NDUFAF6: variants seen among roughly 807,000 people sequenced by gnomAD.
NDUFAF6 encodes the protein NADH dehydrogenase (ubiquinone) complex I, assembly factor 6.
A neutral mutation model predicts 40.8 loss-of-function variants in NDUFAF6; 45 were observed. The observed-to-expected ratio is 1.10, with a 90% CI of 0.87 to 1.42. The LOEUF (loss-of-function observed/expected upper bound fraction) is 1.42, where lower values mean the gene tolerates loss of function less well. Ranked by LOEUF, NDUFAF6 falls within the 40% of genes most tolerant of loss-of-function variation. The probability of loss-of-function intolerance (pLI) is 0.00; values close to 1 mark genes in which losing one functional copy is unlikely to be tolerated. For missense variants in NDUFAF6, 435 were observed against 418.5 expected (o/e 1.04, Z -0.34); for synonymous variants, 185 against 155.9 (o/e 1.19, Z -1.39).
chr8:95,108,042 CAACGACAAA>C (rs1276372487), downstream of NDUFAF6, among the ~76,000 whole-genome samples: 2 of 152,154 alleles, frequency 1.3e-5, no homozygotes, highest in Admixed American at 1.3e-4. Context: ...AGAAAAACAA[CAACGACAAA>C]AAACCAGTAC....
In NDUFAF6 at chr8:95,043,924, C is replaced by G. The variant is rs569816140; in HGVS notation, c.478-1621C>G. 2.6e-5 allele frequency among the ~76,000 whole-genome samples: 4 copies of G among 152,138 alleles called. No individual in the cohort carries two copies. In the East Asian group the frequency reaches 7.7e-4, roughly 29 times the overall value. ...AAGATAAATGAAAACATATGTCCAC[C>G]CAGAACTTGTATATGAATGTTTGTA... On this transcript the variant is annotated intron_variant, in intron 4 of 8. Transcript: ENST00000396124.
intron 1 of NDUFAF6, among the ~76,000 whole-genome samples, chr8:94,964,862 A>G (rs556877333): frequency 6.6e-6 from 1 of 152,314 alleles, no homozygotes; most frequent in African/African-American, 2.4e-5. Flanking sequence ...TCCCTGATGG[A>G]CCATGGGAAT....
chr8:94,975,176 G>C lies in NDUFAF6; in HGVS notation c.-198-5683G>C, dbSNP rs978097691. 5 of 152,370 alleles carry C rather than the reference G, an allele frequency of 3.3e-5. No individual in the cohort carries two copies. The East Asian group carries it at 9.6e-4, about 29-fold the overall frequency. The allele number at this position is 152,370 out of a possible 1,614,324, so 9.4% of individuals were successfully genotyped here. On this transcript the variant is annotated intron_variant, in intron 1 of 9. Coordinates refer to the NDUFAF6 transcript ENST00000396111. Reference sequence around the variant, plus strand: ...CACCCCCTGTAACTGTTAGGGCCAGGTAGAGACAGAGGGCAGGTGTGGGTG... The same window carrying C: ...CACCCCCTGTAACTGTTAGGGCCAGCTAGAGACAGAGGGCAGGTGTGGGTG...
intron 8 of NDUFAF6, among the ~76,000 whole-genome samples, chr8:95,053,620 TCTTTTTCTTTC>T (rs1831700809): frequency 6.6e-6 from 1 of 151,524 alleles, no homozygotes; most frequent in African/African-American, 2.4e-5. Flanking sequence ...TACTTTTCTT[TCTTTTTCTTTC>T]TTTTTTTTTT....
At chr8:94,988,862 G>A (rs1826062554) in intron 2 of NDUFAF6, 1 of 152,226 alleles carries the variant, frequency 6.6e-6, no homozygotes, top group African/African-American at 2.4e-5. Flanking sequence ...GAGAAGGAAT[G>A]AAGTATGGAC....
chr8:95,037,598 C>A (rs1482604360), intron 3 of NDUFAF6, among the ~76,000 whole-genome samples: 1 of 152,160 alleles, frequency 6.6e-6, no homozygotes, highest in East Asian at 1.9e-4. Flanking sequence ...AGAACTAACG[C>A]CTTTTTAACT....
rs73697749 is a variant in NDUFAF6, at chr8:95,112,111, T to C, written n.345-3425T>C. On this transcript the variant is annotated intron_variant and non_coding_transcript_variant, in intron 4 of 5. Coordinates refer to the NDUFAF6 transcript ENST00000523184. ...CCTAATCCTTGGAACCTAATTATGCTATTTTACATGGCCAAAGGGGCTTTG... is the reference window on the plus strand; with the variant it reads ...CCTAATCCTTGGAACCTAATTATGCCATTTTACATGGCCAAAGGGGCTTTG... 5.0e-3 allele frequency among the ~76,000 whole-genome samples: 765 copies of C among 152,322 alleles called. 7 individuals are homozygous for C. The highest frequency in any genetic ancestry group is 0.017 in the African/African-American group (717 of 41,574).
chr8:95,057,214 A>G (rs1832287788), intron 8 of NDUFAF6, among the ~76,000 whole-genome samples: 1 of 152,204 alleles, frequency 6.6e-6, no homozygotes, highest in African/African-American at 2.4e-5. Flanking sequence ...AATCAAGACA[A>G]TTGAAAGCCA....
At chr8:94,985,490 T>C (rs1397094712) in intron 2 of NDUFAF6, among the ~76,000 whole-genome samples, 1 of 6,716 alleles carries the variant, frequency 1.5e-4, no homozygotes, top group Non-Finnish European at 4.3e-4. Flanking sequence ...TATATATATA[T>C]ATATATATAT....
chr8:94,953,206 T>C (rs1822772215), upstream of NDUFAF6, among the ~76,000 whole-genome samples: 1 of 151,864 alleles, frequency 6.6e-6, no homozygotes, highest in Non-Finnish European at 1.5e-5. Flanking sequence ...AATTAGCTGG[T>C]CATGGTGGTG....
chr8:94,999,740 C>T lies in NDUFAF6; in HGVS notation c.-84+18767C>T, dbSNP rs192538592. On this transcript the variant is annotated intron_variant, in intron 2 of 9. Coordinates refer to the NDUFAF6 transcript ENST00000396111. ...CCCATTCTATTTATTTTTTAAAATG[C>T]TAGTCATAACTTTCTACATTGATTT... 2.6e-5 allele frequency among the ~76,000 whole-genome samples: 4 copies of T among 152,044 alleles called. No homozygotes were observed. In the East Asian group the frequency reaches 7.8e-4, roughly 30 times the overall value.
chr8:95,090,061 G>A (rs1457681796), intron 2 of NDUFAF6, among the ~76,000 whole-genome samples: 1 of 152,178 alleles, frequency 6.6e-6, no homozygotes, highest in African/African-American at 2.4e-5. Context: ...GGGAGGGACA[G>A]TTTACAAGAC....
chr8:95,041,455 T>G, intron 3 of NDUFAF6, 115 bp from the exon 4 acceptor site: 1 of 730,880 alleles, frequency 1.4e-6, no homozygotes, highest in Non-Finnish European at 2.5e-6. Flanking sequence ...TATATGGTGA[T>G]GTTATTACAA....
chr8:94,930,716 T>C (rs1299959638), intron 1 of NDUFAF6: 1 of 1,614,126 alleles, frequency 6.2e-7, no homozygotes, highest in Admixed American at 1.7e-5. Flanking sequence ...CCATTTCATT[T>C]TGAGCTTCCA....
intron 2 of NDUFAF6, chr8:94,989,118 A>T (rs1826076679): frequency 6.6e-6 from 1 of 152,234 alleles, no homozygotes; most frequent in African/African-American, 2.4e-5. Flanking sequence ...TGTACATTTT[A>T]AATGAGTGAA....
chr8:95,106,481 T>G (rs532870287), downstream of NDUFAF6, among the ~76,000 whole-genome samples: 60 of 152,066 alleles, frequency 3.9e-4, no homozygotes, highest in African/African-American at 1.4e-3. Flanking sequence ...AAAAATTAAC[T>G]CAAGATGGAT....
chr8:95,059,500 CCTT>C (rs1162026439), downstream of NDUFAF6, among the ~76,000 whole-genome samples: 7 of 152,170 alleles, frequency 4.6e-5, no homozygotes, highest in Non-Finnish European at 8.8e-5. Context: ...AAGTAGATCC[CCTT>C]CTTTAATTCT....
intron 2 of NDUFAF6, among the ~76,000 whole-genome samples, chr8:95,003,487 T>TTTAGAGACAGGTCTAAAATGCTA (rs923130878): frequency 2.0e-5 from 3 of 152,104 alleles, no homozygotes; most frequent in African/African-American, 7.2e-5. Flanking sequence ...CAGAGGAGAA[T>TTTAGAGACAGGTCTAAAATGCTA]TTAGAGACAG....
chr8:94,909,141 T>C (rs1409538593), intron 1 of NDUFAF6, among the ~76,000 whole-genome samples: 1 of 151,650 alleles, frequency 6.6e-6, no homozygotes. Flanking sequence ...AGGTCAGGAG[T>C]TCGAGACCAG....
Sources: gnomAD v4.1 joint callset for allele counts (sites outside exome capture counted in the v4.1 genomes callset) on GRCh38, gnomAD v4.1.1 for gene constraint, MANE v1.5 for transcripts, NCBI Gene and HGNC (gene_info 2026-07-23, HGNC 2026-07-21) for gene names.